The following ADARB2 variants were observed in gnomAD, a reference collection of about 807,000 sequenced individuals.
ADARB2 encodes adenosine deaminase RNA specific B2 (inactive).
A neutral mutation model predicts 62.2 loss-of-function variants in ADARB2; 25 were observed. The observed-to-expected ratio is 0.40, with a 90% CI of 0.29 to 0.56. ADARB2 has a LOEUF of 0.56. ADARB2 is among the 20% of genes least tolerant of loss of function. The probability of loss-of-function intolerance (pLI) is 0.43; values close to 1 mark genes in which losing one functional copy is unlikely to be tolerated. For synonymous variants in ADARB2, 572 were observed against 500.8 expected, an observed-to-expected ratio of 1.14 and a Z score of -1.90; for missense variants, 1,071 against 1,077.4, an observed-to-expected ratio of 0.99 and a Z score of 0.08.
At chr10:1,324,283 T>C (rs1180760075) in intron 3 of ADARB2, among the ~76,000 whole-genome samples, 1 of 152,222 alleles carries the variant, frequency 6.6e-6, no homozygotes, top group Non-Finnish European at 1.5e-5. Flanking sequence ...GGTGGGTCCC[T>C]CATGCCTTGT....
At chr10:1,264,861 C>G (rs995662689) in intron 4 of ADARB2, among the ~76,000 whole-genome samples, 1 of 152,000 alleles carries the variant, frequency 6.6e-6, no homozygotes, top group African/African-American at 2.4e-5. Context: ...AATTGTGGAG[C>G]GATAAAGCTG....
chr10:1,532,956 C>A (rs1392654129), intron 1 of ADARB2, among the ~76,000 whole-genome samples: 5 of 152,092 alleles, frequency 3.3e-5, no homozygotes, highest in African/African-American at 1.2e-4. Context: ...AATGACCCTG[C>A]CCTGAAATGA....
At chr10:1,520,659 T>C (rs1832062164) in intron 1 of ADARB2, among the ~76,000 whole-genome samples, 1 of 152,252 alleles carries the variant, frequency 6.6e-6, no homozygotes, top group African/African-American at 2.4e-5. Context: ...TTAGTTTGTC[T>C]GCTGTTTGGC....
At chr10:1,424,067 G>A (rs1392366174) in intron 1 of ADARB2, among the ~76,000 whole-genome samples, 1 of 152,164 alleles carries the variant, frequency 6.6e-6, no homozygotes, top group Admixed American at 6.5e-5. Context: ...TATGCAGTGG[G>A]ACCACTATGT....
chr10:1,403,950 T>C (rs953560409), intron 1 of ADARB2, among the ~76,000 whole-genome samples: 1 of 152,156 alleles, frequency 6.6e-6, no homozygotes, highest in African/African-American at 2.4e-5. Flanking sequence ...CCTGTGAATA[T>C]CAACCAGGCC....
intron 8 of ADARB2, among the ~76,000 whole-genome samples, chr10:1,189,471 GAC>G (rs1227627284): frequency 6.6e-6 from 1 of 152,084 alleles, no homozygotes; most frequent in Non-Finnish European, 1.5e-5. Context: ...ACAAGGTGAA[GAC>G]ACATGTGCTC....
intron 7 of ADARB2, among the ~76,000 whole-genome samples, chr10:1,215,019 C>T (rs961683977): frequency 1.5e-4 from 23 of 152,194 alleles, no homozygotes; most frequent in Admixed American, 8.5e-4. Context: ...GTCCAGAAGC[C>T]GGTCTGTGTA....
intron 1 of ADARB2, among the ~76,000 whole-genome samples, chr10:1,440,816 G>A (rs889008847): frequency 6.6e-6 from 1 of 152,186 alleles, no homozygotes; most frequent in Non-Finnish European, 1.5e-5. Flanking sequence ...ATGAAATGGG[G>A]TCCTCAAGAG....
chr10:1,601,745 G>A (rs547198732), intron 1 of ADARB2, among the ~76,000 whole-genome samples: 4 of 152,290 alleles, frequency 2.6e-5, no homozygotes, highest in South Asian at 2.1e-4. Context: ...CAGCCGCTGC[G>A]GTCTGTGCTC....
rs769335700 is a variant in ADARB2 at position 1,217,108 on chromosome 10, T to C, written c.1525A>G (p.Lys509Glu). ...YEITTDLHSS[K>E]HLVRKFRGHL... ...CCGCGGAACTTCCTGACGAGGTGTT[T>C]GCTGCTGTGCACTAGGAGATAAAAG... The change falls in exon 7 of 10, where the codon AAA becomes GAA. Residue 509 changes from lysine (K) to glutamate (E), a missense_variant. Coordinates refer to ENST00000381312, the MANE Select transcript of ADARB2 (RefSeq NM_018702.4). 4.4e-6 allele frequency: 7 copies of C among 1,597,732 alleles called. No individual in the cohort carries two copies. Among genetic ancestry groups the C allele is most frequent in the Non-Finnish European group, 6.0e-6 (7 of 1,172,642 alleles).
At chr10:1,231,243 C>G (rs748528875) in intron 6 of ADARB2, among the ~76,000 whole-genome samples, 2 of 152,204 alleles carry the variant, frequency 1.3e-5, no homozygotes, top group Non-Finnish European at 2.9e-5. Context: ...CTTTTCCTCT[C>G]AATTCTGAGG....
At chr10:1,565,093 C>G (rs1478431948) in intron 1 of ADARB2, among the ~76,000 whole-genome samples, 1 of 152,216 alleles carries the variant, frequency 6.6e-6, no homozygotes, top group South Asian at 2.1e-4. Flanking sequence ...TCCTGTCCTT[C>G]TGATTACGCT....
At chr10:1,444,964 C>T (rs538449354) in intron 1 of ADARB2, among the ~76,000 whole-genome samples, 10 of 151,388 alleles carry the variant, frequency 6.6e-5, no homozygotes, top group African/African-American at 2.4e-4. Context: ...TCCATTCATC[C>T]ACCCACTCAT....
intron 1 of ADARB2, among the ~76,000 whole-genome samples, chr10:1,718,672 C>A (rs1835052484): frequency 6.6e-6 from 1 of 152,192 alleles, no homozygotes; most frequent in Non-Finnish European, 1.5e-5. Context: ...GGGCCAGGGT[C>A]TTCACGGCTG....
chr10:1,614,682 C>T (rs1050617995), intron 1 of ADARB2, among the ~76,000 whole-genome samples: 3 of 152,130 alleles, frequency 2.0e-5, no homozygotes, highest in Non-Finnish European at 4.4e-5. Context: ...GAGGCCGAGG[C>T]GGGCGGATCA....
chr10:1,206,526 G>A (rs1837069706), intron 7 of ADARB2, among the ~76,000 whole-genome samples: 1 of 152,000 alleles, frequency 6.6e-6, no homozygotes, highest in South Asian at 2.1e-4. Flanking sequence ...GAGAACTGCG[G>A]GGTCTCCTCC....
At chr10:1,649,838 C>T (rs1564358007) in intron 1 of ADARB2, among the ~76,000 whole-genome samples, 1 of 152,216 alleles carries the variant, frequency 6.6e-6, no homozygotes. Context: ...GTCTCTCCAG[C>T]TCCACTAGAG....
intron 5 of ADARB2, chr10:1,240,624 A>C (rs1379441004): frequency 6.6e-6 from 1 of 152,240 alleles, no homozygotes; most frequent in Non-Finnish European, 1.5e-5. Context: ...GCCCCGGCAC[A>C]GGGCCTGTCA....
intron 3 of ADARB2, among the ~76,000 whole-genome samples, chr10:1,289,713 G>T (rs540442767): frequency 7.9e-5 from 12 of 152,352 alleles, no homozygotes; most frequent in Admixed American, 1.3e-4. Context: ...CTCATACCAC[G>T]CATTGCTGCT....
Sources: gnomAD v4.1 joint callset for allele counts (sites outside exome capture counted in the v4.1 genomes callset) on GRCh38, gnomAD v4.1.1 for gene constraint, MANE v1.5 for transcripts, NCBI Gene and HGNC (gene_info 2026-07-23, HGNC 2026-07-21) for gene names.